Variants in COL8A1 observed in about 807,000 individuals in gnomAD.
The protein encoded by COL8A1 is collagen type VIII alpha 1 chain.
In COL8A1, 21 loss-of-function variants were observed where a neutral mutation model predicts 42.7. The ratio of observed to expected loss-of-function variants is 0.49; its 90% CI spans 0.35 to 0.71. The LOEUF is 0.71. COL8A1 is among the 30% of genes least tolerant of loss of function. The probability of loss-of-function intolerance (pLI) is 0.01; values close to 1 mark genes in which losing one functional copy is unlikely to be tolerated. For missense variants in COL8A1, 788 were observed against 962.4 expected (o/e 0.82, Z 2.40); for synonymous variants, 367 against 369.1 (o/e 0.99, Z 0.06).
chr3:99,672,683 A>G (rs1045543976), intron 1 of COL8A1, among the ~76,000 whole-genome samples: 3 of 151,936 alleles, frequency 2.0e-5, no homozygotes, highest in African/African-American at 7.2e-5. Context: ...AATTTAATTT[A>G]TCTAATAGAA....
At chr3:99,660,977 T>G (rs531873004) in intron 1 of COL8A1, among the ~76,000 whole-genome samples, 1 of 152,276 alleles carries the variant, frequency 6.6e-6, no homozygotes, top group African/African-American at 2.4e-5. Context: ...GGAATGGAAA[T>G]GGGGTAATGA....
At chr3:99,647,433 C>A (rs892137029) in intron 1 of COL8A1, among the ~76,000 whole-genome samples, 1 of 152,038 alleles carries the variant, frequency 6.6e-6, no homozygotes, top group Non-Finnish European at 1.5e-5. Context: ...TGGCTCAATT[C>A]TTTATTACAA....
rs955732948 is a variant in COL8A1 at position 99,638,621 on chromosome 3, C to G, written c.-172C>G. The G allele has an allele frequency of 1.3e-5, 2 of 152,354 alleles. No individual in the cohort carries two copies. Among genetic ancestry groups the G allele is most frequent in the Non-Finnish European group, 2.9e-5 (2 of 68,290 alleles). The allele number at this position is 152,354 out of a possible 1,614,324, so 9.4% of individuals were successfully genotyped here. On this transcript the variant is annotated 5_prime_UTR_variant, in exon 1 of 4. Transcript: ENST00000652472. ...ATCACAGCCCTTCCCCGATCCTCTC[C>G]GTGGGAGCCAGCGAGCCTCTCTCCC...
intron 1 of COL8A1, among the ~76,000 whole-genome samples, chr3:99,662,805 C>T (rs1392545469): frequency 6.6e-6 from 1 of 152,092 alleles, no homozygotes; most frequent in African/African-American, 2.4e-5. Flanking sequence ...ATGCATCACC[C>T]CAATCTCTGC....
chr3:99,725,905 T>C lies in COL8A1; in HGVS notation c.-128-18992T>C, dbSNP rs547781556. 6.6e-4 allele frequency among the ~76,000 whole-genome samples: 100 copies of C among 152,266 alleles called. 1 individual carries two copies. Among genetic ancestry groups the C allele is most frequent in the Non-Finnish European group, 4.3e-4 (29 of 68,018 alleles). On this transcript the variant is annotated intron_variant, in intron 1 of 3. Coordinates refer to ENST00000652472, the MANE Select transcript of COL8A1 (RefSeq NM_020351.4). Reference sequence around the variant, plus strand: ...TGCATATGTCTTTATAGCAGCATGATTTATAATCCTTTGGGTATATACCCA... The same window carrying C: ...TGCATATGTCTTTATAGCAGCATGACTTATAATCCTTTGGGTATATACCCA...
chr3:99,760,705 T>C (rs4928220), intron 2 of COL8A1, among the ~76,000 whole-genome samples: 19,428 of 152,196 alleles, frequency 0.13, 1,778 homozygotes, highest in African/African-American at 0.26. Context: ...TGTGTAGACC[T>C]GAGAGACTGT....
chr3:99,716,166 G>C (rs1176777566), intron 1 of COL8A1, among the ~76,000 whole-genome samples: 3 of 152,018 alleles, frequency 2.0e-5, no homozygotes, highest in Non-Finnish European at 4.4e-5. Flanking sequence ...GGTAATTACA[G>C]GGCCAGAATT....
intron 1 of COL8A1, among the ~76,000 whole-genome samples, chr3:99,674,907 C>T (rs1938648140): frequency 6.6e-6 from 1 of 152,074 alleles, no homozygotes; most frequent in Non-Finnish European, 1.5e-5. Flanking sequence ...GCAAGACACA[C>T]CCATAGCATT....
chr3:99,647,535 T>C (rs1937686310), intron 1 of COL8A1, among the ~76,000 whole-genome samples: 1 of 152,076 alleles, frequency 6.6e-6, no homozygotes, highest in Non-Finnish European at 1.5e-5. Context: ...AAAAAATCTT[T>C]AGAACACTGG....
chr3:99,751,722 G>A (rs916251364), intron 2 of COL8A1, among the ~76,000 whole-genome samples: 3 of 152,126 alleles, frequency 2.0e-5, no homozygotes, highest in Admixed American at 6.5e-5. Flanking sequence ...GCAGTCCTAC[G>A]CAATGAAGGA....
At chr3:99,651,153 A>G (rs1576413237) in intron 1 of COL8A1, among the ~76,000 whole-genome samples, 1 of 152,188 alleles carries the variant, frequency 6.6e-6, no homozygotes, top group Non-Finnish European at 1.5e-5. Context: ...TTATCACTAT[A>G]TAAACAAAAT....
chr3:99,769,865 G>C (rs1941543900), intron 2 of COL8A1, among the ~76,000 whole-genome samples: 1 of 152,134 alleles, frequency 6.6e-6, no homozygotes, highest in African/African-American at 2.4e-5. Context: ...GTTGCAGTGA[G>C]CTGAAATGGC....
chr3:99,763,662 G>A (rs985735456), intron 2 of COL8A1, among the ~76,000 whole-genome samples: 9 of 152,090 alleles, frequency 5.9e-5, no homozygotes, highest in Non-Finnish European at 1.2e-4. Context: ...AGTCATGTAG[G>A]TAATAGTGTT....
At chr3:99,659,946 T>C (rs916768265) in intron 1 of COL8A1, among the ~76,000 whole-genome samples, 1 of 152,214 alleles carries the variant, frequency 6.6e-6, no homozygotes, top group African/African-American at 2.4e-5. Flanking sequence ...ATATTGCTTT[T>C]CCCAGAGTAG....
At position 99,705,428 on chromosome 3, in the gene COL8A1, C is replaced by T. The variant is rs1298941550; in HGVS notation, c.-128-39469C>T. On this transcript the variant is annotated intron_variant, in intron 1 of 3. Transcript: ENST00000652472. ...TAGAAAGGTTATTTGTATTCTTTCT[C>T]TATTAGAATTTACATGCTGCCTTCA... Among the ~76,000 whole-genome samples, 4 of 152,298 alleles carry T rather than the reference C, an allele frequency of 2.6e-5. 1 individual carries two copies. In the South Asian group the frequency reaches 8.3e-4, roughly 32 times the overall value.
chr3:99,726,898 C>G (rs1008600811), intron 1 of COL8A1, among the ~76,000 whole-genome samples: 13 of 151,992 alleles, frequency 8.6e-5, no homozygotes, highest in African/African-American at 2.7e-4. Flanking sequence ...GATGCGGGCT[C>G]TTTTTTGGTT....
intron 1 of COL8A1, among the ~76,000 whole-genome samples, chr3:99,669,146 T>TATATATATATATAGAG: frequency 4.3e-5 from 5 of 115,364 alleles, no homozygotes; most frequent in Admixed American, 1.9e-4. Flanking sequence ...TATATATATA[T>TATATATATATATAGAG]AGAGGGAGAG....
chr3:99,763,889 T>C (rs1941410550), intron 2 of COL8A1, among the ~76,000 whole-genome samples: 2 of 151,150 alleles, frequency 1.3e-5, no homozygotes, highest in African/African-American at 4.9e-5. Flanking sequence ...CTGAGATTTC[T>C]TGCTTTCACC....
intron 2 of COL8A1, among the ~76,000 whole-genome samples, chr3:99,767,138 G>A (rs1284645137): frequency 6.6e-6 from 1 of 152,134 alleles, no homozygotes. Flanking sequence ...ATACTCTGTG[G>A]TTCATCTTTT....
Sources: gnomAD v4.1 joint callset for allele counts (sites outside exome capture counted in the v4.1 genomes callset) on GRCh38, gnomAD v4.1.1 for gene constraint, MANE v1.5 for transcripts, NCBI Gene and HGNC (gene_info 2026-07-23, HGNC 2026-07-21) for gene names.